MECOM: variants seen among roughly 807,000 people sequenced by gnomAD.
MECOM encodes the protein MDS1 and EVI1 complex locus.
A neutral mutation model predicts 116.3 loss-of-function variants in MECOM; 13 were observed. The ratio of observed to expected loss-of-function variants is 0.11; its 90% CI spans 0.07 to 0.18. The LOEUF (loss-of-function observed/expected upper bound fraction) is 0.18. MECOM is among the 10% of genes least tolerant of loss of function. MECOM has a pLI of 1.00. For synonymous variants in MECOM, 528 were observed against 535.2 expected (o/e 0.99, Z 0.19); for missense variants, 1,299 against 1,509.0 (o/e 0.86, Z 2.31).
At chr3:169,232,644 AAT>A (rs5854321) in intron 2 of MECOM, among the ~76,000 whole-genome samples, 81,137 of 149,398 alleles carry the variant, frequency 0.54, 22,087 homozygotes, top group Middle Eastern at 0.66. Flanking sequence ...CCATTTGTAA[AAT>A]ATATATATAT....
chr3:169,156,423 T>G (rs1741998696), intron 2 of MECOM, among the ~76,000 whole-genome samples: 1 of 152,178 alleles, frequency 6.6e-6, no homozygotes, highest in Admixed American at 6.5e-5. Context: ...ACATATATTT[T>G]TCTATCAACT....
At chr3:169,467,685 T>G (rs1447738270) in intron 1 of MECOM, among the ~76,000 whole-genome samples, 3 of 152,196 alleles carry the variant, frequency 2.0e-5, no homozygotes, top group Non-Finnish European at 2.9e-5. Context: ...ATTTCATTTT[T>G]GTTTTATATG....
intron 1 of MECOM, among the ~76,000 whole-genome samples, chr3:169,481,673 T>A (rs973804442): frequency 1.3e-5 from 2 of 152,078 alleles, no homozygotes; most frequent in African/African-American, 4.8e-5. Flanking sequence ...TCTGTGTGTG[T>A]GTGTGTGTGT....
intron 1 of MECOM, among the ~76,000 whole-genome samples, chr3:169,399,151 G>A (rs900153811): frequency 1.3e-5 from 2 of 152,122 alleles, no homozygotes; most frequent in African/African-American, 4.8e-5. Context: ...CAAGGGCTGT[G>A]TTTCATTTAC....
intron 16 of MECOM, among the ~76,000 whole-genome samples, chr3:169,086,062 T>C (rs1717635326): frequency 6.6e-6 from 1 of 152,162 alleles, no homozygotes; most frequent in Non-Finnish European, 1.5e-5. Context: ...TGCTGAGACA[T>C]GTGGCCAGTC....
chr3:169,458,687 G>A (rs1746929061), intron 1 of MECOM, among the ~76,000 whole-genome samples: 1 of 152,134 alleles, frequency 6.6e-6, no homozygotes, highest in African/African-American at 2.4e-5. Context: ...GAGGACTGGT[G>A]ACACTTTATT....
At position 169,102,119 on chromosome 3, in the gene MECOM, C is replaced by T. The variant is rs371397211; in HGVS notation, c.2712G>A (p.Ala904=). The stretch of plus-strand genomic sequence containing the variant: ...GGTTCTCTGGCAGGGCATTGGGAGG[C>T]GCCCTGAAGTTGAACATAGAGGGCA... The part of the protein sequence containing the change: ...QSVPSMFNFR[A]PPNALPENLL... The change falls in exon 11 of 17, where the codon GCG becomes GCA. Residue 904 remains alanine, a synonymous_variant. Coordinates refer to ENST00000651503, the MANE Select transcript of MECOM (RefSeq NM_004991.4). 7.7e-5 allele frequency: 124 copies of T among 1,613,614 alleles called. No homozygotes were observed. Among genetic ancestry groups the T allele is most frequent in the South Asian group, 9.9e-5 (9 of 91,048 alleles).
intron 2 of MECOM, among the ~76,000 whole-genome samples, chr3:169,338,966 G>T (rs942118256): frequency 3.3e-5 from 5 of 152,054 alleles, no homozygotes; most frequent in African/African-American, 1.2e-4. Context: ...AACAGGGCAA[G>T]AATTTTGTTT....
At chr3:169,112,660 G>C in intron 9 of MECOM, 127 bp downstream of exon 9, 1 of 719,970 alleles carries the variant, frequency 1.4e-6, no homozygotes, top group Admixed American at 2.5e-5. Context: ...AGAATTTCCT[G>C]TGTTCTTCCA....
intron 2 of MECOM, among the ~76,000 whole-genome samples, chr3:169,230,287 C>T (rs1362458668): frequency 1.3e-5 from 2 of 151,800 alleles, no homozygotes; most frequent in Non-Finnish European, 2.9e-5. Context: ...CCTTTATCAA[C>T]TTAGCCAGCT....
chr3:169,490,997 T>C (rs80133054), intron 1 of MECOM, among the ~76,000 whole-genome samples: 3,320 of 152,128 alleles, frequency 0.022, 136 homozygotes, highest in African/African-American at 0.076. Flanking sequence ...TAACCAAGAC[T>C]ATAGGCACAT....
At chr3:169,391,664 T>C (rs1734213110) in intron 1 of MECOM, among the ~76,000 whole-genome samples, 1 of 152,186 alleles carries the variant, frequency 6.6e-6, no homozygotes, top group Non-Finnish European at 1.5e-5. Flanking sequence ...TGTGTATACA[T>C]ACACCAAATA....
rs538247838 is a variant in MECOM, at chr3:169,590,367, G to C, written c.37+72969C>G. 2.6e-5 allele frequency among the ~76,000 whole-genome samples: 4 copies of C among 152,282 alleles called. No individual in the cohort carries two copies. The South Asian group carries it at 6.2e-4, about 24-fold the overall frequency. Reference sequence around the variant, plus strand: ...CAGCAAGAGATATTTTGGGTTATTTGCTCTACCTTAGAATCAGAGTGCCCA... The same window carrying C: ...CAGCAAGAGATATTTTGGGTTATTTCCTCTACCTTAGAATCAGAGTGCCCA... On this transcript the variant is annotated intron_variant, in intron 1 of 16. Transcript: ENST00000651503.
intron 1 of MECOM, chr3:169,464,188 A>T (rs571718584): frequency 6.6e-6 from 1 of 152,170 alleles, no homozygotes; most frequent in African/African-American, 2.4e-5. Flanking sequence ...ATATGGCCAT[A>T]TTAAAGATTT....
At chr3:169,270,561 C>A (rs1216496803) in intron 2 of MECOM, among the ~76,000 whole-genome samples, 1 of 151,966 alleles carries the variant, frequency 6.6e-6, no homozygotes, top group Non-Finnish European at 1.5e-5. Flanking sequence ...AAAGCAAGAA[C>A]AGAAATTTTA....
intron 2 of MECOM, among the ~76,000 whole-genome samples, chr3:169,285,101 ACTT>A (rs1172137193): frequency 1.3e-5 from 2 of 152,006 alleles, no homozygotes; most frequent in Admixed American, 6.6e-5. Flanking sequence ...ATTTTTTTTA[ACTT>A]CTTCTTACCG....
chr3:169,555,457 C>A (rs1191344703), intron 1 of MECOM, among the ~76,000 whole-genome samples: 1 of 152,266 alleles, frequency 6.6e-6, no homozygotes, highest in South Asian at 2.1e-4. Flanking sequence ...CTCCCAAGAC[C>A]CCCAAATAAG....
chr3:169,521,661 AC>A (rs1348881802), intron 1 of MECOM, among the ~76,000 whole-genome samples: 1 of 152,170 alleles, frequency 6.6e-6, no homozygotes, highest in Non-Finnish European at 1.5e-5. Context: ...TCTTTACCAA[AC>A]CTACTGAATG....
Position 169,109,248 on chromosome 3 carries a change from G to A in MECOM, c.2578-1296C>T, listed in dbSNP as rs534260806. ...CATATGCAGGGGAAGCCTCTACAAC[G>A]CTTATTTCTCCCTTAGAGTAAACTA... is the stretch of plus-strand genomic sequence containing the variant. On this transcript the variant is annotated intron_variant, in intron 9 of 16. Coordinates refer to ENST00000651503, the MANE Select transcript of MECOM (RefSeq NM_004991.4). Among the ~76,000 whole-genome samples, 9 of 152,190 alleles carry A rather than the reference G, an allele frequency of 5.9e-5. No individual in the cohort carries two copies. The East Asian group carries it at 1.5e-3, about 26-fold the overall frequency.
Sources: gnomAD v4.1 joint callset for allele counts (sites outside exome capture counted in the v4.1 genomes callset) on GRCh38, gnomAD v4.1.1 for gene constraint, MANE v1.5 for transcripts, NCBI Gene and HGNC (gene_info 2026-07-23, HGNC 2026-07-21) for gene names.